The following WIPI1 variants were observed in gnomAD, a reference collection of about 807,000 sequenced individuals.
The protein encoded by WIPI1 is WD repeat domain phosphoinositide-interacting protein 1.
A neutral mutation model predicts 55.3 loss-of-function variants in WIPI1; 45 were observed. The ratio of observed to expected loss-of-function variants is 0.81; its 90% CI spans 0.64 to 1.04. WIPI1 has a LOEUF of 1.04. Ranked by LOEUF, WIPI1 falls within the 50% of genes least tolerant of loss-of-function variation. The pLI, the probability that WIPI1 is intolerant of heterozygous loss-of-function variation, is 0.00. For missense variants in WIPI1, 445 were observed against 559.0 expected, an observed-to-expected ratio of 0.80 and a Z score of 2.06; for synonymous variants, 195 against 217.6, an observed-to-expected ratio of 0.90 and a Z score of 0.92.
At position 68,430,016 on chromosome 17, in the gene WIPI1, C is replaced by A. The variant is rs2083440257; in HGVS notation, c.945G>T (p.Arg315Ser). ...ATARLNFSGQRNICTLSTIQK... is the reference protein window; with the variant it reads ...ATARLNFSGQSNICTLSTIQK... Reference sequence around the variant, plus strand: ...CGTACGTTGAGAGGGTACAGATGTTCCTCTGTCCGGAGAAGTTCAAGCGTG... The same window carrying A: ...CGTACGTTGAGAGGGTACAGATGTTACTCTGTCCGGAGAAGTTCAAGCGTG... Residue 315 changes from arginine to serine, a missense_variant, in exon 9 of 13, where the codon AGG (arginine) becomes AGT (serine). Physicochemically the swap from Arg to Ser is moderately radical, Grantham distance 110 (BLOSUM62 -1). Transcript: ENST00000262139. The A allele has an allele frequency of 6.2e-7, 1 of 1,613,956 alleles. No individual in the cohort carries two copies. The highest frequency in any genetic ancestry group is 8.5e-7 in the Non-Finnish European group (1 of 1,180,002).
chr17:68,443,135 G>C (rs2084149331), intron 4 of WIPI1, among the ~76,000 whole-genome samples: 2 of 152,006 alleles, frequency 1.3e-5, no homozygotes, highest in African/African-American at 4.8e-5. Context: ...TTTTGAGACA[G>C]AGTCTCGATC....
intron 4 of WIPI1, among the ~76,000 whole-genome samples, chr17:68,438,825 C>T (rs910245649): frequency 2.0e-5 from 3 of 152,214 alleles, no homozygotes; most frequent in Non-Finnish European, 2.9e-5. Flanking sequence ...GTCTCGAACT[C>T]GTGACCTCAG....
At chr17:68,432,063 A>T (rs185286460) in intron 8 of WIPI1, among the ~76,000 whole-genome samples, 1 of 152,224 alleles carries the variant, frequency 6.6e-6, no homozygotes, top group African/African-American at 2.4e-5. Flanking sequence ...AAATCCTAAA[A>T]AGTGGATATA....
At chr17:68,452,823 G>C in intron 2 of WIPI1, 87 bp downstream of exon 2, 1 of 1,217,744 alleles carries the variant, frequency 8.2e-7, no homozygotes, top group African/African-American at 1.5e-5. Flanking sequence ...GGGAAAAATA[G>C]GCAGCTTGGT....
At position 68,433,541 on chromosome 17, in the gene WIPI1, C is replaced by A; in HGVS notation, c.727G>T (p.Asp243Tyr). The change falls in exon 8 of 13, where the codon GAT (aspartate) becomes TAT (tyrosine). Residue 243 changes from aspartate to tyrosine, a missense_variant. Transcript: ENST00000262139. ...CTGGAGGCGCAGAGGAATTGTGAAT[C>A]CATACTGAACACTAGAGAGCTGATT... ...VTISSLVFSM[D>Y]SQFLCASSNT... The A allele has an allele frequency of 6.2e-7, 1 of 1,613,966 alleles. No homozygotes were observed. Among genetic ancestry groups the A allele is most frequent in the Non-Finnish European group, 8.5e-7 (1 of 1,180,008 alleles).
Position 68,444,624 on chromosome 17 carries a change from G to T in WIPI1, c.334-35C>A, listed in dbSNP as rs189873761. 6.4e-6 allele frequency: 10 copies of T among 1,569,706 alleles called. No individual in the cohort carries two copies. In the African/African-American group the frequency reaches 1.2e-4, roughly 19 times the overall value. On this transcript the variant is annotated intron_variant, in intron 3 of 12. Coordinates refer to ENST00000262139, the MANE Select transcript of WIPI1 (RefSeq NM_017983.7). Reference sequence around the variant, plus strand: ...CACAGACTTATCAGTCTACCGAACCGTTCCTTACAAAGACCCTGACCAAAT... The same window carrying T: ...CACAGACTTATCAGTCTACCGAACCTTTCCTTACAAAGACCCTGACCAAAT...
At chr17:68,431,493 A>G (rs1332768241) in intron 8 of WIPI1, among the ~76,000 whole-genome samples, 1 of 151,960 alleles carries the variant, frequency 6.6e-6, no homozygotes, top group African/African-American at 2.4e-5. Flanking sequence ...GGGGGACGGG[A>G]GGAGCTGGGA....
At chr17:68,436,722 T>G (rs1346384775) in intron 4 of WIPI1, among the ~76,000 whole-genome samples, 1 of 152,190 alleles carries the variant, frequency 6.6e-6, no homozygotes, top group Admixed American at 6.5e-5. Flanking sequence ...ACAATGAGAC[T>G]TGCCGGGCAC....
At chr17:68,427,432 C>G in intron 10 of WIPI1, 179 bp from the exon 11 acceptor site, 1 of 446,266 alleles carries the variant, frequency 2.2e-6, no homozygotes, top group Non-Finnish European at 4.0e-6. Context: ...TCTCGGCTCA[C>G]TGCAACCTCC....
chr17:68,441,941 C>T (rs1428800980), intron 4 of WIPI1, among the ~76,000 whole-genome samples: 2 of 152,292 alleles, frequency 1.3e-5, no homozygotes, highest in African/African-American at 2.4e-5. Flanking sequence ...TGGATCCTTT[C>T]ATAAGGAGGC....
intron 7 of WIPI1, among the ~76,000 whole-genome samples, chr17:68,434,002 T>A (rs2083662300): frequency 6.6e-6 from 1 of 151,950 alleles, no homozygotes; most frequent in Non-Finnish European, 1.5e-5. Context: ...AGGCTGGTCC[T>A]CAGGTGATCT....
intron 3 of WIPI1, among the ~76,000 whole-genome samples, chr17:68,444,939 GAGA>G (rs1859274324): frequency 2.1e-5 from 1 of 48,468 alleles, no homozygotes; most frequent in Non-Finnish European, 4.2e-5. Context: ...TTTTTTTTTT[GAGA>G]AGGAGTCTCA....
At chr17:68,444,640 C>G in intron 3 of WIPI1, 51 bp from the exon 4 acceptor site, 1 of 1,465,066 alleles carries the variant, frequency 6.8e-7, no homozygotes, top group Non-Finnish European at 9.4e-7. Flanking sequence ...TACAAAGACC[C>G]TGACCAAATC....
At chr17:68,431,450 G>A (rs1040538585) in intron 8 of WIPI1, among the ~76,000 whole-genome samples, 2 of 152,094 alleles carry the variant, frequency 1.3e-5, no homozygotes, top group Non-Finnish European at 2.9e-5. Context: ...TCTGGGGGTG[G>A]TGGCTGCTGG....
At chr17:68,434,080 T>C (rs2083666775) in intron 7 of WIPI1, among the ~76,000 whole-genome samples, 1 of 152,042 alleles carries the variant, frequency 6.6e-6, no homozygotes, top group Non-Finnish European at 1.5e-5. Context: ...CATAGTCTTA[T>C]TTATGTGAGA....
intron 11 of WIPI1, 77 bp from the exon 12 acceptor site, chr17:68,426,252 G>GGGGGA: frequency 2.4e-6 from 2 of 828,182 alleles, no homozygotes; most frequent in Non-Finnish European, 3.8e-6. Context: ...TGGGGAGCGG[G>GGGGGA]GGCTCAAATA....
chr17:68,428,545 T>C, intron 10 of WIPI1: 1 of 273,578 alleles, frequency 3.7e-6, no homozygotes, highest in Non-Finnish European at 7.1e-6. Flanking sequence ...AGGGAATATT[T>C]TTGAACACCC....
intron 12 of WIPI1, chr17:68,422,781 C>A (rs1402507746): frequency 1.3e-5 from 2 of 149,552 alleles, no homozygotes; most frequent in African/African-American, 4.9e-5. Flanking sequence ...TACCCTTGGG[C>A]CTGATTTCCT....
chr17:68,455,982 T>G (rs1254293647), intron 1 of WIPI1, among the ~76,000 whole-genome samples: 1 of 152,236 alleles, frequency 6.6e-6, no homozygotes, highest in African/African-American at 2.4e-5. Flanking sequence ...TACCAGCATT[T>G]TTATAAACTG....
Sources: gnomAD v4.1 joint callset for allele counts (sites outside exome capture counted in the v4.1 genomes callset) on GRCh38, gnomAD v4.1.1 for gene constraint, MANE v1.5 for transcripts, NCBI Gene and HGNC (gene_info 2026-07-23, HGNC 2026-07-21) for gene names.